Variants in GCA observed in about 807,000 individuals in gnomAD.
GCA encodes grancalcin, EF-hand calcium-binding protein.
A neutral mutation model predicts 32.6 loss-of-function variants in GCA; 30 were observed. That is an observed-to-expected ratio of 0.92 (90% CI 0.69 to 1.25). The LOEUF is 1.25. Among genes scored for constraint, GCA ranks in the 50% most tolerant of loss-of-function variants. The pLI is 0.00. For missense variants in GCA, 291 were observed against 266.8 expected (o/e 1.09, Z -0.63); for synonymous variants, 102 against 84.6 (o/e 1.21, Z -1.13).
In GCA at chr2:162,361,335, G is replaced by A; in HGVS notation, c.*1092G>A. ...TTAGTGTTTAATATCCCTGGTATAAGATGTTATAATTAATGTAATTTCTTT... is the reference window on the plus strand; with the variant it reads ...TTAGTGTTTAATATCCCTGGTATAAAATGTTATAATTAATGTAATTTCTTT... On this transcript the variant is annotated 3_prime_UTR_variant, in exon 8 of 8. Coordinates refer to ENST00000437150, the MANE Select transcript of GCA (RefSeq NM_012198.5). 1 of 983,254 alleles carries A rather than the reference G, an allele frequency of 1.0e-6. No homozygotes were observed. Among genetic ancestry groups the A allele is most frequent in the Non-Finnish European group, 1.2e-6 (1 of 828,144 alleles). 60.9% of individuals were successfully genotyped at this position (983,254 alleles called of 1,614,324 possible).
At chr2:162,349,158 A>G (rs1684861510) in intron 2 of GCA, among the ~76,000 whole-genome samples, 1 of 152,086 alleles carries the variant, frequency 6.6e-6, no homozygotes, top group African/African-American at 2.4e-5. Context: ...CCAGAAGCTT[A>G]CCTGTGAATT....
intron 1 of GCA, among the ~76,000 whole-genome samples, chr2:162,345,666 T>A (rs920070180): frequency 6.6e-6 from 1 of 152,234 alleles, no homozygotes; most frequent in African/African-American, 2.4e-5. Flanking sequence ...TTTCAGCTGT[T>A]GTCATGCTCA....
chr2:162,364,888 T>G (rs544884864), downstream of GCA, among the ~76,000 whole-genome samples: 76 of 151,690 alleles, frequency 5.0e-4, no homozygotes, highest in Middle Eastern at 3.4e-3. Flanking sequence ...AAGTAAACAA[T>G]AAATGTTTTA....
At chr2:162,371,964 T>C (rs1280379108), downstream of GCA, 1 of 1,613,904 alleles carries the variant, frequency 6.2e-7, no homozygotes, top group Non-Finnish European at 8.5e-7. Context: ...GGTGAAGCTC[T>C]AAAGAGAGAT....
rs771075865 is a variant in GCA, at chr2:162,352,318, T to C, written c.193-20T>C. The C allele has an allele frequency of 1.4e-6, 2 of 1,426,192 alleles. No individual in the cohort carries two copies. The highest frequency in any genetic ancestry group is 1.2e-5 in the South Asian group (1 of 86,930). 88.3% of individuals were successfully genotyped at this position (1,426,192 alleles called of 1,614,324 possible). A position where few individuals can be genotyped will look rare whatever the true frequency, so the allele number is the denominator to read the frequency against. Reference sequence around the variant, plus strand: ...TTATACAACTGCACATTAAATTAGGTCATAATTATTTTTAAACAGGATGGT... The same window carrying C: ...TTATACAACTGCACATTAAATTAGGCCATAATTATTTTTAAACAGGATGGT... On this transcript the variant is annotated intron_variant, in intron 2 of 7. Coordinates refer to ENST00000437150, the MANE Select transcript of GCA (RefSeq NM_012198.5).
At chr2:162,353,839 CT>C (rs1685120210) in intron 3 of GCA, among the ~76,000 whole-genome samples, 1 of 152,072 alleles carries the variant, frequency 6.6e-6, no homozygotes, top group African/African-American at 2.4e-5. Context: ...TTTTCTGTTT[CT>C]TGGAATGCTT....
upstream of GCA, among the ~76,000 whole-genome samples, chr2:162,342,198 T>G (rs1217084383): frequency 6.6e-6 from 1 of 152,164 alleles, no homozygotes; most frequent in African/African-American, 2.4e-5. Context: ...GAGAGAGAGA[T>G]GCTGTGTTGT....
At chr2:162,374,160 A>G (rs754287025), downstream of GCA, among the ~76,000 whole-genome samples, 2 of 152,136 alleles carry the variant, frequency 1.3e-5, no homozygotes, top group African/African-American at 2.4e-5. Context: ...CATATTAAGT[A>G]TTGTATATTA....
At chr2:162,347,774 CTT>C in intron 2 of GCA, 32 bp downstream of exon 2, 13 of 1,313,798 alleles carry the variant, frequency 9.9e-6, no homozygotes, top group African/African-American at 1.5e-5. Context: ...ATAAATATGT[CTT>C]TAAAATTATT....
intron 2 of GCA, 75 bp downstream of exon 2, chr2:162,347,817 T>A: frequency 1.2e-6 from 1 of 852,064 alleles, no homozygotes; most frequent in Middle Eastern, 2.6e-4. Flanking sequence ...ATTTAGAGTA[T>A]CATTTTAAAT....
intron 1 of GCA, among the ~76,000 whole-genome samples, chr2:162,331,396 T>C (rs1684078355): frequency 1.5e-5 from 2 of 137,062 alleles, no homozygotes; most frequent in Admixed American, 1.4e-4. Flanking sequence ...ATAGTGAGTA[T>C]CAACTATCCT....
chr2:162,337,508 T>A (rs1467358816), intron 1 of GCA, among the ~76,000 whole-genome samples: 2 of 152,166 alleles, frequency 1.3e-5, no homozygotes, highest in East Asian at 3.9e-4. Flanking sequence ...GAATGTGCCA[T>A]CTGCTTTTTT....
chr2:162,327,522 G>A (rs971406933), intron 1 of GCA, among the ~76,000 whole-genome samples: 1 of 152,144 alleles, frequency 6.6e-6, no homozygotes, highest in East Asian at 1.9e-4. Context: ...TGAATTCCCT[G>A]GCCAGGGGAG....
intron 1 of GCA, among the ~76,000 whole-genome samples, chr2:162,329,715 G>A (rs915213463): frequency 9.9e-5 from 15 of 151,772 alleles, no homozygotes; most frequent in African/African-American, 3.6e-4. Flanking sequence ...AGGGGTACAT[G>A]TGCAGGTTTA....
chr2:162,336,458 C>CA (rs1383671469), intron 1 of GCA, among the ~76,000 whole-genome samples: 1 of 152,030 alleles, frequency 6.6e-6, no homozygotes, highest in African/African-American at 2.4e-5. Flanking sequence ...ATATCAGTAA[C>CA]AACCATTTTC....
chr2:162,332,342 A>AT (rs1684125160), intron 1 of GCA, among the ~76,000 whole-genome samples: 1 of 146,060 alleles, frequency 6.8e-6, no homozygotes, highest in African/African-American at 2.5e-5. Flanking sequence ...TATATATAAT[A>AT]TATAATATTA....
At chr2:162,353,277 G>T (rs541938704) in intron 3 of GCA, among the ~76,000 whole-genome samples, 1 of 152,252 alleles carries the variant, frequency 6.6e-6, no homozygotes, top group East Asian at 1.9e-4. Context: ...AGAGCACCCT[G>T]GCCACCATGG....
chr2:162,365,579 C>T (rs1379284633), downstream of GCA, among the ~76,000 whole-genome samples: 2 of 151,740 alleles, frequency 1.3e-5, no homozygotes, highest in Admixed American at 1.3e-4. Context: ...ACTACTTAGC[C>T]AGATGTAAGT....
At chr2:162,321,922 A>C (rs1379808153) in intron 1 of GCA, among the ~76,000 whole-genome samples, 1 of 114,348 alleles carries the variant, frequency 8.7e-6, no homozygotes, top group East Asian at 2.6e-4. Context: ...ATATATATAT[A>C]TATATATATA....
Sources: allele counts gnomAD v4.1 joint callset (sites outside exome capture counted in the v4.1 genomes callset), GRCh38; gene constraint gnomAD v4.1.1; transcripts MANE v1.5; gene names NCBI Gene and HGNC (gene_info 2026-07-23, HGNC 2026-07-21).